COL24A1: variants seen among roughly 807,000 people sequenced by gnomAD.
COL24A1 encodes collagen type XXIV alpha 1 chain, also known as collagen alpha-1(XXIV) chain.
A neutral mutation model predicts 253.9 loss-of-function variants in COL24A1; 224 were observed. The observed-to-expected ratio is 0.88, with a 90% confidence interval of 0.79 to 0.99. The LOEUF (loss-of-function observed/expected upper bound fraction) is 0.99, where lower values mean the gene tolerates loss of function less well. Ranked by LOEUF, COL24A1 falls within the 50% of genes least tolerant of loss-of-function variation. The pLI is 0.00. For synonymous variants in COL24A1, 685 were observed against 673.7 expected (o/e 1.02, Z -0.26); for missense variants, 2,131 against 2,068.5 (o/e 1.03, Z -0.59).
At chr1:86,031,784 C>T in intron 14 of COL24A1, 94 bp downstream of exon 14, 1 of 951,560 alleles carries the variant, frequency 1.1e-6, no homozygotes, top group East Asian at 2.8e-5. Context: ...ACAGTAAAAC[C>T]TCTCATTTCC....
At chr1:85,755,390 A>G (rs1471339409) in intron 55 of COL24A1, among the ~76,000 whole-genome samples, 1 of 152,210 alleles carries the variant, frequency 6.6e-6, no homozygotes, top group African/African-American at 2.4e-5. Flanking sequence ...ACAATATAGT[A>G]AATATAACAT....
chr1:85,940,403 C>CAAA lies in COL24A1; in HGVS notation c.2562+20843_2562+20845dup, dbSNP rs1166634995. The stretch of plus-strand genomic sequence containing the variant: ...TGGGCGACAGAGCGAGACTCCGTCT[C>CAAA]AAAAAAAAAAAAAAAAAAAAAAAAA... On this transcript the variant is annotated intron_variant, in intron 24 of 59. Coordinates refer to ENST00000370571, the MANE Select transcript of COL24A1 (RefSeq NM_152890.7). 4.0e-3 allele frequency among the ~76,000 whole-genome samples: 8 copies of CAAA among 2,024 alleles called. 2 individuals are homozygous for CAAA. The highest frequency in any genetic ancestry group is 9.5e-3 in the Non-Finnish European group (7 of 736). 1.3% of individuals were successfully genotyped at this position (2,024 alleles called of 152,430 possible).
At chr1:85,939,849 T>C (rs574390447) in intron 24 of COL24A1, among the ~76,000 whole-genome samples, 1 of 152,256 alleles carries the variant, frequency 6.6e-6, no homozygotes, top group South Asian at 2.1e-4. Context: ...GAGATTATAC[T>C]GAATCATATC....
At chr1:86,147,302 T>C (rs943626773) in intron 1 of COL24A1, among the ~76,000 whole-genome samples, 1 of 152,230 alleles carries the variant, frequency 6.6e-6, no homozygotes, top group Non-Finnish European at 1.5e-5. Context: ...CGACTATTTA[T>C]AATGGAACAC....
At chr1:85,857,837 T>G (rs186471086) in intron 37 of COL24A1, among the ~76,000 whole-genome samples, 1 of 152,184 alleles carries the variant, frequency 6.6e-6, no homozygotes, top group African/African-American at 2.4e-5. Flanking sequence ...ATTCCACTAA[T>G]CAGTAAGTAG....
intron 5 of COL24A1, among the ~76,000 whole-genome samples, chr1:86,107,554 T>C (rs1025953826): frequency 1.4e-5 from 2 of 147,866 alleles, no homozygotes; most frequent in Non-Finnish European, 3.0e-5. Context: ...TATTTATTTA[T>C]AGACGGAGTC....
chr1:85,847,221 A>G (rs985833163), intron 39 of COL24A1, among the ~76,000 whole-genome samples: 1 of 152,186 alleles, frequency 6.6e-6, no homozygotes, highest in Non-Finnish European at 1.5e-5. Context: ...ATTTATCACA[A>G]TTGGTTAGAA....
At chr1:85,927,163 G>A (rs929208053) in intron 24 of COL24A1, among the ~76,000 whole-genome samples, 3 of 152,178 alleles carry the variant, frequency 2.0e-5, no homozygotes, top group African/African-American at 4.8e-5. Context: ...ACTTCCATCT[G>A]AGGTACCGGG....
At chr1:85,735,800 A>G (rs1347430099) in intron 58 of COL24A1, among the ~76,000 whole-genome samples, 1 of 152,284 alleles carries the variant, frequency 6.6e-6, no homozygotes. Context: ...TCATAATGTA[A>G]GTGAACAGAA....
intron 47 of COL24A1, among the ~76,000 whole-genome samples, chr1:85,792,762 G>A (rs1225201760): frequency 6.6e-6 from 1 of 151,524 alleles, no homozygotes; most frequent in East Asian, 1.9e-4. Flanking sequence ...GAAATGTGAT[G>A]GAATGTACTA....
intron 6 of COL24A1, among the ~76,000 whole-genome samples, chr1:86,091,136 A>G (rs1401629564): frequency 1.3e-5 from 2 of 152,090 alleles, no homozygotes; most frequent in Non-Finnish European, 2.9e-5. Context: ...TGAAAATACT[A>G]TGTTTATAGT....
intron 24 of COL24A1, among the ~76,000 whole-genome samples, chr1:85,911,983 A>G (rs559341186): frequency 3.9e-5 from 6 of 152,206 alleles, no homozygotes; most frequent in African/African-American, 1.4e-4. Flanking sequence ...ACAGGGAGAC[A>G]AAAGCAACTA....
intron 50 of COL24A1, 125 bp from the exon 51 acceptor site, chr1:85,783,683 A>G: frequency 1.2e-6 from 1 of 809,910 alleles, no homozygotes; most frequent in Non-Finnish European, 2.0e-6. Context: ...GTGCATGCTG[A>G]AGAATTCAGA....
chr1:86,134,223 A>G (rs1572038943), intron 2 of COL24A1, among the ~76,000 whole-genome samples: 1 of 148,554 alleles, frequency 6.7e-6, no homozygotes, highest in Non-Finnish European at 1.5e-5. Context: ...TATTGCGTCT[A>G]TTTGATTCTT....
intron 24 of COL24A1, among the ~76,000 whole-genome samples, chr1:85,939,594 C>A (rs1349872302): frequency 6.6e-6 from 1 of 152,134 alleles, no homozygotes. Context: ...AGTAATAAAT[C>A]TTTTCCTGAT....
chr1:86,105,489 T>C (rs1054494089), intron 5 of COL24A1, among the ~76,000 whole-genome samples: 3 of 152,108 alleles, frequency 2.0e-5, no homozygotes, highest in African/African-American at 4.8e-5. Context: ...CAGTCCAGCA[T>C]TGGGTGCCCT....
chr1:85,978,699 T>C (rs536451617), intron 20 of COL24A1, among the ~76,000 whole-genome samples: 11 of 152,268 alleles, frequency 7.2e-5, no homozygotes, highest in African/African-American at 2.4e-4. Context: ...AAACAATTAT[T>C]ACTAGACCTA....
intron 2 of COL24A1, among the ~76,000 whole-genome samples, chr1:86,134,208 T>C (rs1649821002): frequency 6.7e-6 from 1 of 149,954 alleles, no homozygotes; most frequent in Non-Finnish European, 1.5e-5. Flanking sequence ...CCCTTTATCA[T>C]TTTTTATTGC....
At chr1:85,757,954 C>T (rs749749073) in intron 55 of COL24A1, among the ~76,000 whole-genome samples, 17 of 152,088 alleles carry the variant, frequency 1.1e-4, no homozygotes, top group Non-Finnish European at 1.5e-5. Context: ...TTTACAAAAA[C>T]ATGCATGTAA....
Sources: gnomAD v4.1 joint callset for allele counts (sites outside exome capture counted in the v4.1 genomes callset) on GRCh38, gnomAD v4.1.1 for gene constraint, MANE v1.5 for transcripts, NCBI Gene and HGNC (gene_info 2026-07-23, HGNC 2026-07-21) for gene names.